Variants in PARN observed in about 807,000 individuals in gnomAD.
The protein encoded by PARN is poly(A)-specific ribonuclease, also known as poly(A)-specific ribonuclease PARN.
PARN carries 71 observed loss-of-function variants against 102.8 expected under a neutral mutation model. That is an observed-to-expected ratio of 0.69 (90% CI 0.57 to 0.84). The LOEUF (loss-of-function observed/expected upper bound fraction) is 0.84, where lower values mean the gene tolerates loss of function less well. PARN is among the 40% of genes least tolerant of loss of function. The probability of loss-of-function intolerance (pLI) is 0.00; values close to 1 mark genes in which losing one functional copy is unlikely to be tolerated. For missense variants in PARN, 782 were observed against 760.9 expected, an observed-to-expected ratio of 1.03 and a Z score of -0.33; for synonymous variants, 261 against 252.9, an observed-to-expected ratio of 1.03 and a Z score of -0.30.
At chr16:14,555,321 A>C (rs1967611857) in intron 19 of PARN, among the ~76,000 whole-genome samples, 1 of 152,242 alleles carries the variant, frequency 6.6e-6, no homozygotes, top group Non-Finnish European at 1.5e-5. Flanking sequence ...CAGAAATTTT[A>C]CCAAGATAAC....
In PARN at chr16:14,610,785, T is replaced by A; in HGVS notation, c.413A>T (p.Glu138Val). 6.2e-7 allele frequency: 1 copy of A among 1,610,634 alleles called. No individual in the cohort carries two copies. The highest frequency in any genetic ancestry group is 1.1e-5 in the South Asian group (1 of 90,826). The change falls in exon 7 of 24, where the codon GAA becomes GTA. Residue 138 changes from glutamate to valine, a missense_variant. Glu to Val is a moderately radical substitution (Grantham distance 121). Coordinates refer to ENST00000437198, the MANE Select transcript of PARN (RefSeq NM_002582.4). ...RNGIPYLNQE[E>V]ERQLREQYDE... Reference sequence around the variant, plus strand: ...ATACTGCTCTCTTAACTGTCTTTCTTCTTCCTGATTTAAATATGGAATTCC... The same window carrying A: ...ATACTGCTCTCTTAACTGTCTTTCTACTTCCTGATTTAAATATGGAATTCC...
At chr16:14,491,735 A>G (rs1457427531) in intron 21 of PARN, among the ~76,000 whole-genome samples, 1 of 152,186 alleles carries the variant, frequency 6.6e-6, no homozygotes, top group African/African-American at 2.4e-5. Context: ...CTGCACCACT[A>G]TATTCCAGCC....
At chr16:14,476,256 A>G (rs1370109831) in intron 22 of PARN, among the ~76,000 whole-genome samples, 1 of 152,230 alleles carries the variant, frequency 6.6e-6, no homozygotes, top group Non-Finnish European at 1.5e-5. Context: ...TTATCAACAT[A>G]TAATCTGCAG....
chr16:14,595,998 A>C (rs567173022), intron 12 of PARN, among the ~76,000 whole-genome samples: 1 of 152,276 alleles, frequency 6.6e-6, no homozygotes, highest in South Asian at 2.1e-4. Flanking sequence ...ACACACATAC[A>C]TATACAGAGA....
intron 21 of PARN, among the ~76,000 whole-genome samples, chr16:14,510,742 C>T (rs1965143950): frequency 6.6e-6 from 1 of 152,118 alleles, no homozygotes; most frequent in South Asian, 2.1e-4. Flanking sequence ...AGCATGAGGC[C>T]CAGGACAGAA....
At chr16:14,551,963 G>A in intron 21 of PARN, 58 bp downstream of exon 21, 1 of 1,121,666 alleles carries the variant, frequency 8.9e-7, no homozygotes, top group Non-Finnish European at 1.4e-6. Context: ...TAAGGGGGCA[G>A]TGGGAGGGCA....
intron 21 of PARN, among the ~76,000 whole-genome samples, chr16:14,486,661 A>T (rs1385126543): frequency 6.6e-6 from 1 of 152,226 alleles, no homozygotes; most frequent in African/African-American, 2.4e-5. Flanking sequence ...CCACGTGGCA[A>T]TAATTTACCA....
At chr16:14,620,087 A>C (rs1454263089) in intron 5 of PARN, among the ~76,000 whole-genome samples, 6 of 137,786 alleles carry the variant, frequency 4.4e-5, no homozygotes, top group East Asian at 2.2e-4. Flanking sequence ...AAAAAAAAAA[A>C]AAAACACTGG....
chr16:14,438,296 T>A (rs1482490531), intron 23 of PARN, among the ~76,000 whole-genome samples: 1 of 152,198 alleles, frequency 6.6e-6, no homozygotes, highest in Non-Finnish European at 1.5e-5. Flanking sequence ...CAATTAGCCA[T>A]TCTAAAGGTA....
chr16:14,600,384 T>A (rs1055420899), intron 11 of PARN, among the ~76,000 whole-genome samples: 10 of 151,438 alleles, frequency 6.6e-5, no homozygotes, highest in African/African-American at 2.4e-4. Flanking sequence ...AATTCCTGAT[T>A]TTTTTTCCTC....
At chr16:14,442,566 G>A (rs1300250115) in intron 23 of PARN, among the ~76,000 whole-genome samples, 1 of 152,110 alleles carries the variant, frequency 6.6e-6, no homozygotes, top group Admixed American at 6.5e-5. Context: ...AGCCCTGAAG[G>A]AGACTGGTTA....
chr16:14,595,474 C>T (rs1970449913), intron 12 of PARN, among the ~76,000 whole-genome samples: 1 of 152,186 alleles, frequency 6.6e-6, no homozygotes, highest in East Asian at 1.9e-4. Context: ...AAGCAATCCT[C>T]CCACCTCAGC....
chr16:14,606,644 T>C lies in PARN; in HGVS notation c.660-118A>G. On this transcript the variant is annotated intron_variant, in intron 9 of 23. Coordinates refer to ENST00000437198, the MANE Select transcript of PARN (RefSeq NM_002582.4). Reference sequence around the variant, plus strand: ...TAAGTTTTATTAACTACAAAATAATTATCACTACAATGGAGACTTTACAGC... The same window carrying C: ...TAAGTTTTATTAACTACAAAATAATCATCACTACAATGGAGACTTTACAGC... 7.1e-6 allele frequency: 4 copies of C among 560,656 alleles called. No individual in the cohort carries two copies. The South Asian group carries it at 1.0e-4, about 14-fold the overall frequency. 34.7% of individuals were successfully genotyped at this position (560,656 alleles called of 1,614,324 possible). A position where few individuals can be genotyped will look rare whatever the true frequency, so the allele number is the denominator to read the frequency against.
chr16:14,518,061 T>C (rs1225222449), intron 21 of PARN, among the ~76,000 whole-genome samples: 1 of 150,286 alleles, frequency 6.7e-6, no homozygotes, highest in African/African-American at 2.5e-5. Context: ...ACATGGGGAG[T>C]GGCTATGGTA....
chr16:14,609,469 G>A (rs1971387887), intron 7 of PARN, among the ~76,000 whole-genome samples: 1 of 152,084 alleles, frequency 6.6e-6, no homozygotes, highest in South Asian at 2.1e-4. Flanking sequence ...TACTCCAGAA[G>A]CGGAGGTGGG....
chr16:14,506,848 G>A (rs1218250873), intron 21 of PARN, among the ~76,000 whole-genome samples: 1 of 151,836 alleles, frequency 6.6e-6, no homozygotes, highest in Non-Finnish European at 1.5e-5. Context: ...AAAAGAGTGG[G>A]AGAAAATATT....
chr16:14,604,214 T>G lies in PARN; in HGVS notation c.715A>C (p.Ile239Leu). Residue 239 changes from isoleucine to leucine, a missense_variant, in exon 11 of 24, where the codon ATA becomes CTA. Ile to Leu is a conservative substitution (Grantham distance 5). Transcript: ENST00000437198. The stretch of plus-strand genomic sequence containing the variant: ...TCTTCATCTACTTTGCTGATAACTA[T>G]ATATCGCTCCTTCTAAAAGACATAA... ...TLETEKKERY[I>L]VISKVDEEER... is the part of the protein sequence containing the mutation. The G allele has an allele frequency of 6.3e-7, 1 of 1,585,376 alleles. No individual in the cohort carries two copies. The highest frequency in any genetic ancestry group is 2.2e-5 in the East Asian group (1 of 44,632).
chr16:14,507,581 C>T (rs1207568919), intron 21 of PARN, among the ~76,000 whole-genome samples: 2 of 151,360 alleles, frequency 1.3e-5, no homozygotes, highest in African/African-American at 2.4e-5. Flanking sequence ...CCCAGCTACT[C>T]GGGAGGCTGA....
intron 5 of PARN, among the ~76,000 whole-genome samples, chr16:14,622,873 G>A (rs1972405648): frequency 6.6e-6 from 1 of 152,174 alleles, no homozygotes; most frequent in South Asian, 2.1e-4. Context: ...GGAAGCCAAA[G>A]TGGGCAGATC....
Sources: gnomAD v4.1 joint callset for allele counts (sites outside exome capture counted in the v4.1 genomes callset) on GRCh38, gnomAD v4.1.1 for gene constraint, MANE v1.5 for transcripts, NCBI Gene and HGNC (gene_info 2026-07-23, HGNC 2026-07-21) for gene names.